Variants in NLGN1 observed in about 807,000 individuals in gnomAD.
NLGN1 encodes neuroligin 1.
A neutral mutation model predicts 65.5 loss-of-function variants in NLGN1; 12 were observed. The observed-to-expected ratio is 0.18, with a 90% confidence interval of 0.12 to 0.30. NLGN1 has a LOEUF of 0.30. Ranked by LOEUF, NLGN1 falls within the 10% of genes least tolerant of loss-of-function variation. The probability of loss-of-function intolerance (pLI) is 1.00; values close to 1 mark genes in which losing one functional copy is unlikely to be tolerated. For synonymous variants in NLGN1, 350 were observed against 359.5 expected (o/e 0.97, Z 0.30); for missense variants, 750 against 1,007.1 (o/e 0.74, Z 3.46).
intron 4 of NLGN1, among the ~76,000 whole-genome samples, chr3:173,841,848 G>T (rs1212762465): frequency 1.3e-5 from 2 of 152,180 alleles, no homozygotes; most frequent in Non-Finnish European, 2.9e-5. Flanking sequence ...TATTTTGACA[G>T]TCATGGGTGA....
chr3:174,109,131 T>A (rs1327860572), intron 4 of NLGN1, among the ~76,000 whole-genome samples: 1 of 152,056 alleles, frequency 6.6e-6, no homozygotes, highest in Non-Finnish European at 1.5e-5. Flanking sequence ...ATTATAGAAT[T>A]AACTGGTTTA....
intron 4 of NLGN1, among the ~76,000 whole-genome samples, chr3:174,242,813 C>G (rs1218540205): frequency 6.6e-6 from 1 of 152,142 alleles, no homozygotes; most frequent in Non-Finnish European, 1.5e-5. Flanking sequence ...CCGCCCCCAT[C>G]CATGGAAAAA....
At chr3:174,128,553 T>C (rs569786683) in intron 4 of NLGN1, among the ~76,000 whole-genome samples, 6 of 152,312 alleles carry the variant, frequency 3.9e-5, no homozygotes, top group Non-Finnish European at 8.8e-5. Flanking sequence ...GCTGTTCTGA[T>C]TGAATGGCGA....
intron 3 of NLGN1, among the ~76,000 whole-genome samples, chr3:173,614,979 G>A (rs993778213): frequency 1.3e-5 from 2 of 151,998 alleles, no homozygotes; most frequent in African/African-American, 2.4e-5. Flanking sequence ...TAAAATGGCC[G>A]CTTAAATGAT....
Position 173,604,523 on chromosome 3 carries a change from T to G in NLGN1, c.-76T>G. The G allele has an allele frequency of 6.7e-7, 1 of 1,500,800 alleles. No homozygotes were observed. The highest frequency in any genetic ancestry group is 9.1e-7 in the Non-Finnish European group (1 of 1,097,608). The allele number at this position is 1,500,800 out of a possible 1,614,324, so 93.0% of individuals were successfully genotyped here. A position where few individuals can be genotyped will look rare whatever the true frequency, so the allele number is the denominator to read the frequency against. ...AGAAATCGGAGGTATATTCTACCAT[T>G]ATACAGTCTTTCTCAAGTGGATATA... On this transcript the variant is annotated 5_prime_UTR_variant, in exon 3 of 7. The change creates a new upstream start codon in the 5' untranslated region. Coordinates refer to ENST00000457714, the Ensembl canonical transcript of NLGN1.
chr3:174,233,127 C>T lies in NLGN1; in HGVS notation c.647-42188C>T, dbSNP rs181786532. 1.5e-3 allele frequency among the ~76,000 whole-genome samples: 224 copies of T among 152,230 alleles called. 2 individuals are homozygous for T. Among genetic ancestry groups the T allele is most frequent in the African/African-American group, 5.0e-3 (206 of 41,542 alleles). Reference sequence around the variant, plus strand: ...GCAGCAAGACAGGAAGATCTTTGCACTGTTACTTCCCAGATTCTGGGTTTA... The same window carrying T: ...GCAGCAAGACAGGAAGATCTTTGCATTGTTACTTCCCAGATTCTGGGTTTA... On this transcript the variant is annotated intron_variant, in intron 4 of 6. Coordinates refer to ENST00000457714, the Ensembl canonical transcript of NLGN1.
chr3:174,078,290 A>G (rs533955697), intron 4 of NLGN1, among the ~76,000 whole-genome samples: 4 of 152,130 alleles, frequency 2.6e-5, no homozygotes, highest in South Asian at 2.1e-4. Context: ...ATCCCATTTC[A>G]TTATGTCAAT....
intron 4 of NLGN1, among the ~76,000 whole-genome samples, chr3:173,968,670 C>CAATTACTG (rs959619070): frequency 7.0e-6 from 1 of 143,440 alleles, no homozygotes; most frequent in African/African-American, 2.6e-5. Context: ...TAACACCCCA[C>CAATTACTG]AATTACTGAA....
At chr3:174,011,915 G>A (rs1364240281) in intron 4 of NLGN1, among the ~76,000 whole-genome samples, 2 of 152,046 alleles carry the variant, frequency 1.3e-5, no homozygotes, top group Non-Finnish European at 2.9e-5. Flanking sequence ...GTATAAAGGA[G>A]GTGCTCATTA....
At chr3:173,712,187 G>T (rs79963177) in intron 3 of NLGN1, among the ~76,000 whole-genome samples, 38 of 111,766 alleles carry the variant, frequency 3.4e-4, no homozygotes, top group African/African-American at 5.3e-4. Flanking sequence ...CAGTTTTTTT[G>T]TTTTGCTTTT....
At chr3:173,492,828 T>C (rs961250243) in intron 2 of NLGN1, among the ~76,000 whole-genome samples, 1 of 151,802 alleles carries the variant, frequency 6.6e-6, no homozygotes, top group Non-Finnish European at 1.5e-5. Context: ...CAGATGATAG[T>C]GTGAATAAAT....
intron 4 of NLGN1, among the ~76,000 whole-genome samples, chr3:173,907,310 C>T (rs1200682521): frequency 2.0e-5 from 3 of 152,162 alleles, no homozygotes; most frequent in African/African-American, 7.2e-5. Context: ...AGTTGATTTC[C>T]TCTTACCGTG....
intron 4 of NLGN1, among the ~76,000 whole-genome samples, chr3:173,838,200 A>G (rs1276488635): frequency 3.0e-5 from 4 of 132,682 alleles, no homozygotes; most frequent in East Asian, 4.0e-4. Context: ...TCAACTTTCT[A>G]CACTGACCAG....
chr3:174,158,265 A>G (rs1469850405), intron 4 of NLGN1, among the ~76,000 whole-genome samples: 5 of 151,788 alleles, frequency 3.3e-5, no homozygotes, highest in African/African-American at 1.2e-4. Context: ...TTGTGTTCAA[A>G]GACTTTGTAA....
At chr3:174,029,942 T>G (rs1729618031) in intron 4 of NLGN1, among the ~76,000 whole-genome samples, 1 of 152,150 alleles carries the variant, frequency 6.6e-6, no homozygotes, top group Non-Finnish European at 1.5e-5. Context: ...TAAACCTCTT[T>G]CCTTTATAAA....
chr3:173,455,175 T>TA (rs1722295399), intron 2 of NLGN1, among the ~76,000 whole-genome samples: 1 of 152,176 alleles, frequency 6.6e-6, no homozygotes, highest in South Asian at 2.1e-4. Flanking sequence ...TTATATAATT[T>TA]ATAAAGAAGG....
chr3:174,023,118 G>A (rs140467620), intron 4 of NLGN1, among the ~76,000 whole-genome samples: 1 of 152,128 alleles, frequency 6.6e-6, no homozygotes, highest in South Asian at 2.1e-4. Context: ...AGAAAAATGA[G>A]ACAAGATAGA....
Position 173,443,147 on chromosome 3 carries a change from G to A in NLGN1, c.-321+8069G>A, listed in dbSNP as rs1719515362. ...CCTACTACTAGGAAGACTGAGGTGGGAAGATCACTTGATCGCAGGAATTGG... is the reference window on the plus strand; with the variant it reads ...CCTACTACTAGGAAGACTGAGGTGGAAAGATCACTTGATCGCAGGAATTGG... On this transcript the variant is annotated intron_variant, in intron 2 of 6. Coordinates refer to ENST00000457714, the Ensembl canonical transcript of NLGN1. Among the ~76,000 whole-genome samples the A allele has an allele frequency of 3.3e-5, 5 of 151,772 alleles. No homozygotes were observed. In the South Asian group the frequency reaches 1.0e-3, roughly 31 times the overall value.
At chr3:173,396,030 C>CGT (rs561654191), upstream of NLGN1, among the ~76,000 whole-genome samples, 9 of 151,828 alleles carry the variant, frequency 5.9e-5, no homozygotes, top group Middle Eastern at 3.2e-3. Flanking sequence ...CGCGCGTGTA[C>CGT]GTGTGTGTGT....
Sources: allele counts gnomAD v4.1 joint callset (sites outside exome capture counted in the v4.1 genomes callset), GRCh38; gene constraint gnomAD v4.1.1; transcripts MANE v1.5; gene names NCBI Gene and HGNC (gene_info 2026-07-23, HGNC 2026-07-21).